ATP6V1C1: variants seen among roughly 807,000 people sequenced by gnomAD.
The protein encoded by ATP6V1C1 is V-type proton ATPase subunit C 1.
Under a neutral mutation model 53.9 loss-of-function variants are expected in ATP6V1C1, and 45 were observed. That is an observed-to-expected ratio of 0.83 (90% CI 0.66 to 1.07). The LOEUF (loss-of-function observed/expected upper bound fraction) is 1.07, where lower values mean the gene tolerates loss of function less well. ATP6V1C1 is among the 50% of genes least tolerant of loss of function. ATP6V1C1 has a pLI of 0.00. For missense variants in ATP6V1C1, 315 were observed against 440.3 expected (o/e 0.72, Z 2.55); for synonymous variants, 153 against 155.2 (o/e 0.99, Z 0.11).
At chr8:103,050,003 C>A (rs1450250346) in intron 4 of ATP6V1C1, among the ~76,000 whole-genome samples, 1 of 151,866 alleles carries the variant, frequency 6.6e-6, no homozygotes, top group Non-Finnish European at 1.5e-5. Flanking sequence ...CTTTTCCTTT[C>A]ATTCTCTACA....
chr8:103,035,258 T>C (rs1280030797), intron 1 of ATP6V1C1, among the ~76,000 whole-genome samples: 1 of 144,074 alleles, frequency 6.9e-6, no homozygotes, highest in Non-Finnish European at 1.5e-5. Flanking sequence ...AAAACACTTT[T>C]AAAAAACATG....
chr8:103,048,814 G>GA, intron 3 of ATP6V1C1, 56 bp from the exon 4 acceptor site: 2 of 1,438,440 alleles, frequency 1.4e-6, no homozygotes, highest in Non-Finnish European at 2.0e-6. Flanking sequence ...TCATTGTATA[G>GA]AATGGAATTT....
At chr8:103,064,246 G>T (rs1322914401) in intron 10 of ATP6V1C1, among the ~76,000 whole-genome samples, 1 of 152,150 alleles carries the variant, frequency 6.6e-6, no homozygotes, top group Admixed American at 6.5e-5. Context: ...CTTTTTTACA[G>T]ATGGGAAAAC....
At chr8:103,066,744 CTA>C (rs139507278) in intron 12 of ATP6V1C1, among the ~76,000 whole-genome samples, 6,171 of 152,124 alleles carry the variant, frequency 0.041, 420 homozygotes, top group African/African-American at 0.14. Flanking sequence ...TTTACAAAAA[CTA>C]TAAATTGCAG....
intron 8 of ATP6V1C1, among the ~76,000 whole-genome samples, chr8:103,062,264 C>T (rs1018768444): frequency 6.7e-6 from 1 of 150,346 alleles, no homozygotes; most frequent in Non-Finnish European, 1.5e-5. Context: ...TCAACCTCCC[C>T]AGCTCCAGTG....
intron 1 of ATP6V1C1, among the ~76,000 whole-genome samples, chr8:103,035,258 TA>T (rs1444259339): frequency 6.9e-6 from 1 of 144,074 alleles, no homozygotes; most frequent in Non-Finnish European, 1.5e-5. Flanking sequence ...AAAACACTTT[TA>T]AAAAACATGA....
At chr8:103,065,869 C>T (rs112145632) in intron 11 of ATP6V1C1, among the ~76,000 whole-genome samples, 3 of 152,098 alleles carry the variant, frequency 2.0e-5, no homozygotes, top group African/African-American at 7.2e-5. Flanking sequence ...TGGTGAAACC[C>T]CGTCTCTACT....
chr8:103,042,556 A>G, intron 3 of ATP6V1C1, 149 bp downstream of exon 3: 2 of 680,398 alleles, frequency 2.9e-6, no homozygotes, highest in Admixed American at 2.9e-5. Flanking sequence ...AATTTTATGA[A>G]GGTACAATTT....
chr8:103,068,967 T>C lies in ATP6V1C1; in HGVS notation c.*220T>C. On this transcript the variant is annotated 3_prime_UTR_variant, in exon 13 of 13. Transcript: ENST00000518738. The stretch of plus-strand genomic sequence containing the variant: ...TTTATTGATCAGGTCTGTAAATGTG[T>C]ACTAAAAAAATCAGAGTTTATTTAT... 1 of 292,846 alleles carries C rather than the reference T, an allele frequency of 3.4e-6. No individual in the cohort carries two copies. The highest frequency in any genetic ancestry group is 5.8e-5 in the East Asian group (1 of 17,316). The allele number at this position is 292,846 out of a possible 1,614,324, so 18.1% of individuals were successfully genotyped here. A position where few individuals can be genotyped will look rare whatever the true frequency, so the allele number is the denominator to read the frequency against.
chr8:103,022,146 A>G (rs1191203818), intron 1 of ATP6V1C1, among the ~76,000 whole-genome samples: 1 of 150,074 alleles, frequency 6.7e-6, no homozygotes, highest in East Asian at 1.9e-4. Context: ...GCAACGACAC[A>G]TGTGTAAACT....
intron 1 of ATP6V1C1, among the ~76,000 whole-genome samples, chr8:103,024,369 C>G (rs1484010832): frequency 6.6e-6 from 1 of 152,140 alleles, no homozygotes; most frequent in African/African-American, 2.4e-5. Context: ...AAAGAAACTT[C>G]AGGGCTTCAA....
At chr8:103,052,459 A>G (rs1817217485) in intron 5 of ATP6V1C1, among the ~76,000 whole-genome samples, 1 of 152,082 alleles carries the variant, frequency 6.6e-6, no homozygotes. Flanking sequence ...CCTAGATTCC[A>G]TTTCCATGGT....
At chr8:103,059,030 A>G (rs1446420973) in intron 8 of ATP6V1C1, among the ~76,000 whole-genome samples, 1 of 148,740 alleles carries the variant, frequency 6.7e-6, no homozygotes, top group African/African-American at 2.5e-5. Context: ...AGTCTGATTG[A>G]GTCAGATCAC....
chr8:103,046,262 A>C (rs1332124523), intron 3 of ATP6V1C1, among the ~76,000 whole-genome samples: 1 of 152,150 alleles, frequency 6.6e-6, no homozygotes, highest in East Asian at 1.9e-4. Flanking sequence ...GCTAGAGTGC[A>C]GTGGTGCAAT....
intron 1 of ATP6V1C1, among the ~76,000 whole-genome samples, chr8:103,034,938 G>GA (rs1017573636): frequency 3.9e-5 from 6 of 152,058 alleles, no homozygotes; most frequent in Admixed American, 1.3e-4. Flanking sequence ...TTTAAAAATG[G>GA]AAAAAACAGA....
Position 103,066,515 on chromosome 8 carries a change from G to T in ATP6V1C1, c.1053+68G>T, listed in dbSNP as rs866185851. 42 of 1,445,520 alleles carry T rather than the reference G, an allele frequency of 2.9e-5. 3 individuals are homozygous for T. In the South Asian group the frequency reaches 6.3e-4, roughly 22 times the overall value. The allele number at this position is 1,445,520 out of a possible 1,614,324, so 89.5% of individuals were successfully genotyped here. On this transcript the variant is annotated intron_variant, in intron 12 of 12. Coordinates refer to ENST00000518738, the MANE Select transcript of ATP6V1C1 (RefSeq NM_001695.5). ...TTCAGAAAAAAAATGATTGAAAGAA[G>T]ATAGACAGAAAAGGGAGGGTAAGTA...
intron 1 of ATP6V1C1, among the ~76,000 whole-genome samples, chr8:103,037,851 T>G (rs1460035012): frequency 1.3e-5 from 2 of 152,204 alleles, no homozygotes; most frequent in African/African-American, 4.8e-5. Context: ...TAAAGCTCCT[T>G]TCTCCTATGC....
rs545782550 is a variant in ATP6V1C1, at chr8:103,052,696, A to AT, written c.382-31dup. The AT allele has an allele frequency of 3.0e-3, 4,283 of 1,449,976 alleles. 21 individuals are homozygous for AT. The highest frequency in any genetic ancestry group is 0.019 in the Middle Eastern group (107 of 5,584). 89.8% of individuals were successfully genotyped at this position (1,449,976 alleles called of 1,614,324 possible). A position where few individuals can be genotyped will look rare whatever the true frequency, so the allele number is the denominator to read the frequency against. On this transcript the variant is annotated intron_variant, in intron 5 of 12. Coordinates refer to ENST00000518738, the MANE Select transcript of ATP6V1C1 (RefSeq NM_001695.5). ...TATTAGTAGAGGCAGATTTAGGAAA[A>AT]TTTTATCTATTTTTCTTCTTTTTCT... is the stretch of plus-strand genomic sequence containing the variant.
In ATP6V1C1 at chr8:103,057,092, G is replaced by A. The variant is rs571116768; in HGVS notation, c.641+1156G>A. Among the ~76,000 whole-genome samples, 124 of 152,304 alleles carry A rather than the reference G, an allele frequency of 8.1e-4. 1 individual carries two copies. The South Asian group carries it at 9.1e-3, about 11-fold the overall frequency. ...AATAAGAATGAAGCAACAAAAGAAC[G>A]AAAGCAGGGATTTATTAAAAATGAA... On this transcript the variant is annotated intron_variant, in intron 8 of 12. Coordinates refer to ENST00000518738, the MANE Select transcript of ATP6V1C1 (RefSeq NM_001695.5).
Sources: gnomAD v4.1 joint callset for allele counts (sites outside exome capture counted in the v4.1 genomes callset) on GRCh38, gnomAD v4.1.1 for gene constraint, MANE v1.5 for transcripts, NCBI Gene and HGNC (gene_info 2026-07-23, HGNC 2026-07-21) for gene names.